SLIT3: variants seen among roughly 807,000 people sequenced by gnomAD.
The protein encoded by SLIT3 is slit homolog 3 protein.
A neutral mutation model predicts 184.0 loss-of-function variants in SLIT3; 68 were observed. The observed-to-expected ratio is 0.37, with a 90% CI of 0.30 to 0.45. The LOEUF is 0.45. SLIT3 is among the 20% of genes least tolerant of loss of function. The pLI, the probability that SLIT3 is intolerant of heterozygous loss-of-function variation, is 1.00. For synonymous variants in SLIT3, 831 were observed against 828.6 expected (o/e 1.00, Z -0.05); for missense variants, 1,707 against 2,026.0 (o/e 0.84, Z 3.02).
chr5:168,998,433 C>T (rs1755585927), intron 4 of SLIT3, among the ~76,000 whole-genome samples: 2 of 152,112 alleles, frequency 1.3e-5, no homozygotes, highest in Non-Finnish European at 1.5e-5. Flanking sequence ...GGGCCAGGCG[C>T]GGTGGCTCAG....
At chr5:168,936,206 C>T (rs943946355) in intron 4 of SLIT3, among the ~76,000 whole-genome samples, 3 of 152,184 alleles carry the variant, frequency 2.0e-5, no homozygotes, top group Non-Finnish European at 4.4e-5. Flanking sequence ...CCAAATGCTG[C>T]ACCAGCTCAT....
At chr5:169,183,836 C>T (rs1763246857) in intron 4 of SLIT3, among the ~76,000 whole-genome samples, 2 of 152,154 alleles carry the variant, frequency 1.3e-5, no homozygotes, top group Admixed American at 1.3e-4. Context: ...CCAGATGTGG[C>T]AAAGAAGTCT....
intron 1 of SLIT3, among the ~76,000 whole-genome samples, chr5:169,283,519 A>G (rs1296812072): frequency 6.6e-5 from 10 of 152,198 alleles, no homozygotes; most frequent in African/African-American, 2.4e-4. Flanking sequence ...TCAAAAATCT[A>G]CCAGGCTGTA....
At chr5:168,985,115 T>G (rs1755080019) in intron 4 of SLIT3, among the ~76,000 whole-genome samples, 1 of 152,190 alleles carries the variant, frequency 6.6e-6, no homozygotes, top group Non-Finnish European at 1.5e-5. Context: ...TTCTCTAAGA[T>G]CAGGGATGTT....
intron 4 of SLIT3, among the ~76,000 whole-genome samples, chr5:169,187,110 G>GGTTTTTT (rs1353057554): frequency 1.6e-5 from 1 of 63,586 alleles, no homozygotes; most frequent in East Asian, 3.6e-4. Flanking sequence ...TGCAGCTATA[G>GGTTTTTT]GTTTTTTTTT....
chr5:169,286,096 T>G (rs902462211), intron 1 of SLIT3, among the ~76,000 whole-genome samples: 7 of 152,186 alleles, frequency 4.6e-5, no homozygotes, highest in Admixed American at 4.6e-4. Context: ...CATTTGATCT[T>G]CCTAGTAAGC....
intron 1 of SLIT3, among the ~76,000 whole-genome samples, chr5:169,266,744 A>G (rs1218213607): frequency 6.6e-6 from 1 of 152,206 alleles, no homozygotes; most frequent in East Asian, 1.9e-4. Context: ...ACACCTAGCA[A>G]TACGGCATAG....
At chr5:168,836,539 T>A (rs1758060575) in intron 6 of SLIT3, among the ~76,000 whole-genome samples, 2 of 152,150 alleles carry the variant, frequency 1.3e-5, no homozygotes, top group South Asian at 4.2e-4. Flanking sequence ...CTCTCTGGAA[T>A]CTTTCTCCAA....
At chr5:169,072,560 A>T (rs946050712) in intron 4 of SLIT3, among the ~76,000 whole-genome samples, 1 of 152,214 alleles carries the variant, frequency 6.6e-6, no homozygotes, top group South Asian at 2.1e-4. Flanking sequence ...TCTCAGGTGG[A>T]TCAAACAGAG....
chr5:169,015,014 C>G (rs1160048675), intron 4 of SLIT3, among the ~76,000 whole-genome samples: 1 of 151,982 alleles, frequency 6.6e-6, no homozygotes, highest in Non-Finnish European at 1.5e-5. Flanking sequence ...GATTACAGAA[C>G]CAAACTTGCA....
At chr5:169,092,390 G>C (rs1322220698) in intron 4 of SLIT3, among the ~76,000 whole-genome samples, 2 of 152,086 alleles carry the variant, frequency 1.3e-5, no homozygotes, top group African/African-American at 2.4e-5. Context: ...TAGCGGAGAT[G>C]TACCAATTCT....
intron 9 of SLIT3, among the ~76,000 whole-genome samples, chr5:168,802,192 C>G (rs1204480686): frequency 2.0e-5 from 3 of 150,900 alleles, no homozygotes; most frequent in Non-Finnish European, 4.4e-5. Flanking sequence ...AATGATAAAT[C>G]AGATAACTCC....
intron 4 of SLIT3, among the ~76,000 whole-genome samples, chr5:169,125,197 G>A (rs1016513865): frequency 4.6e-5 from 7 of 152,024 alleles, no homozygotes; most frequent in Non-Finnish European, 5.9e-5. Flanking sequence ...ACTGGCACAC[G>A]CCACCATGCC....
At chr5:169,074,127 T>A (rs1015561099) in intron 4 of SLIT3, among the ~76,000 whole-genome samples, 11 of 152,062 alleles carry the variant, frequency 7.2e-5, no homozygotes, top group Admixed American at 2.0e-4. Flanking sequence ...GGAGCAGTAG[T>A]TTTCAGAGCC....
intron 5 of SLIT3, among the ~76,000 whole-genome samples, chr5:168,846,119 C>CAAT (rs1758452988): frequency 6.6e-6 from 1 of 152,172 alleles, no homozygotes; most frequent in Non-Finnish European, 1.5e-5. Flanking sequence ...AAATAAAACG[C>CAAT]AATAGAGTGA....
In SLIT3 at chr5:168,762,673, G is replaced by C; in HGVS notation, c.1476C>G (p.Arg492=). The C allele has an allele frequency of 1.9e-6, 3 of 1,613,908 alleles. No homozygotes were observed. The highest frequency in any genetic ancestry group is 2.5e-6 in the Non-Finnish European group (3 of 1,179,930). ...KFRCSGSEDY[R]SRFSSECFMD... ...TGAAGCACTCGCTGCTGAACCTGCTGCGGTAATCCTCGGAGCCTGGGAGGG... is the reference window on the plus strand; with the variant it reads ...TGAAGCACTCGCTGCTGAACCTGCTCCGGTAATCCTCGGAGCCTGGGAGGG... The change falls in exon 15 of 36, where the codon CGC becomes CGG. Residue 492 remains arginine (R), a synonymous_variant. Transcript: ENST00000519560.
intron 6 of SLIT3, among the ~76,000 whole-genome samples, chr5:168,832,805 G>T (rs1757923621): frequency 6.6e-6 from 1 of 152,088 alleles, no homozygotes; most frequent in Admixed American, 6.6e-5. Flanking sequence ...TTTAATATTG[G>T]CAGCTAAAAC....
intron 4 of SLIT3, among the ~76,000 whole-genome samples, chr5:169,157,984 C>A (rs984449413): frequency 1.3e-5 from 2 of 150,892 alleles, no homozygotes; most frequent in Non-Finnish European, 3.0e-5. Context: ...ATGAACAGAG[C>A]CCCAGGGATC....
intron 4 of SLIT3, among the ~76,000 whole-genome samples, chr5:169,141,616 G>A (rs1761743617): frequency 6.6e-6 from 1 of 151,928 alleles, no homozygotes; most frequent in African/African-American, 2.4e-5. Flanking sequence ...GCGGGTGCCT[G>A]TAGTCCCAGC....
Sources: allele counts gnomAD v4.1 joint callset (sites outside exome capture counted in the v4.1 genomes callset), GRCh38; gene constraint gnomAD v4.1.1; transcripts MANE v1.5; gene names NCBI Gene and HGNC (gene_info 2026-07-23, HGNC 2026-07-21).